Variants in KCNN3 observed in about 807,000 individuals in gnomAD.
KCNN3 encodes small conductance calcium-activated potassium channel protein 3.
In KCNN3, 16 loss-of-function variants were observed where a neutral mutation model predicts 62.9. The ratio of observed to expected loss-of-function variants is 0.25; its 90% CI spans 0.17 to 0.39. KCNN3 has a LOEUF of 0.39. KCNN3 is among the 10% of genes least tolerant of loss of function. KCNN3 has a pLI of 1.00. For missense variants in KCNN3, 599 were observed against 949.4 expected (o/e 0.63, Z 4.85); for synonymous variants, 370 against 389.2 (o/e 0.95, Z 0.58).
At chr1:154,768,093 T>C (rs1438188948) in intron 3 of KCNN3, among the ~76,000 whole-genome samples, 1 of 152,206 alleles carries the variant, frequency 6.6e-6, no homozygotes, top group African/African-American at 2.4e-5. Context: ...GTCATGCTGC[T>C]GTGTGACCCT....
At chr1:154,714,531 T>G (rs199694493) in intron 6 of KCNN3, among the ~76,000 whole-genome samples, 6,917 of 91,328 alleles carry the variant, frequency 0.076, 303 homozygotes, top group East Asian at 0.31. Flanking sequence ...TGTTTGTGTG[T>G]GGTGTGTGTG....
At chr1:154,815,272 G>C (rs1370385153) in intron 2 of KCNN3, among the ~76,000 whole-genome samples, 1 of 152,206 alleles carries the variant, frequency 6.6e-6, no homozygotes, top group South Asian at 2.1e-4. Context: ...CCCCTACCTG[G>C]GGGGTTTGGG....
rs575233756 is a variant in KCNN3, at chr1:154,756,866, T to C, written c.1448+15109A>G. The stretch of plus-strand genomic sequence containing the variant: ...GGAAAAAATCATGTGTGTTTTATGC[T>C]TTAAGATATATTTAATTCCTAGCAC... On this transcript the variant is annotated intron_variant, in intron 3 of 7. Transcript: ENST00000271915. Among the ~76,000 whole-genome samples, 7 of 152,356 alleles carry C rather than the reference T, an allele frequency of 4.6e-5. No individual in the cohort carries two copies. The South Asian group carries it at 1.4e-3, about 32-fold the overall frequency.
chr1:154,716,811 G>T (rs1700240865), intron 5 of KCNN3, among the ~76,000 whole-genome samples: 1 of 152,202 alleles, frequency 6.6e-6, no homozygotes, highest in Non-Finnish European at 1.5e-5. Context: ...CTTCTGCTCA[G>T]GGAACTAGAG....
intron 3 of KCNN3, among the ~76,000 whole-genome samples, chr1:154,771,643 G>A (rs1402328461): frequency 6.6e-6 from 1 of 152,198 alleles, no homozygotes; most frequent in African/African-American, 2.4e-5. Context: ...ATGCTAATAA[G>A]CATTATTAAT....
intron 3 of KCNN3, among the ~76,000 whole-genome samples, chr1:154,753,919 GT>G: frequency 1.3e-5 from 2 of 152,316 alleles, no homozygotes; most frequent in East Asian, 3.9e-4. Context: ...TAGAGGGCAG[GT>G]GACTTGCCCA....
chr1:154,765,131 T>C (rs746459724), intron 3 of KCNN3, among the ~76,000 whole-genome samples: 10 of 152,180 alleles, frequency 6.6e-5, no homozygotes, highest in Non-Finnish European at 1.0e-4. Context: ...TTGGGGTATG[T>C]CTAGGGGTGG....
At position 154,718,295 on chromosome 1, in the gene KCNN3, CTGAT is replaced by C. The variant is rs577416821; in HGVS notation, c.1702-3296_1702-3293del. ...TCTCTACCAAAAAATTGCTTTCACTCTGATTGGGGCCAGACAATGGGCTCTATGA... is the reference window on the plus strand; with the variant it reads ...TCTCTACCAAAAAATTGCTTTCACTCTGGGGCCAGACAATGGGCTCTATGA... On this transcript the variant is annotated intron_variant, in intron 5 of 7. Transcript: ENST00000271915. 4.8e-3 allele frequency among the ~76,000 whole-genome samples: 737 copies of C among 152,312 alleles called. 10 individuals are homozygous for C. The highest frequency in any genetic ancestry group is 0.017 in the African/African-American group (700 of 41,560).
chr1:154,827,309 G>T (rs569708265), intron 1 of KCNN3, among the ~76,000 whole-genome samples: 1 of 152,102 alleles, frequency 6.6e-6, no homozygotes, highest in African/African-American at 2.4e-5. Context: ...CCCCTCTTCC[G>T]CTAAAGGGAA....
chr1:154,743,060 C>T (rs904158411), intron 3 of KCNN3, among the ~76,000 whole-genome samples: 11 of 152,212 alleles, frequency 7.2e-5, no homozygotes, highest in African/African-American at 2.7e-4. Context: ...AAAATATCTC[C>T]AGAATCGGAG....
intron 1 of KCNN3, among the ~76,000 whole-genome samples, chr1:154,849,363 CT>C (rs2101921189): frequency 1.3e-5 from 2 of 152,352 alleles, no homozygotes; most frequent in Non-Finnish European, 2.9e-5. Context: ...ATGGGGGTTC[CT>C]GGGCAATGCC....
intron 2 of KCNN3, among the ~76,000 whole-genome samples, chr1:154,797,740 TG>T (rs1245819336): frequency 1.3e-5 from 2 of 152,220 alleles, no homozygotes; most frequent in Non-Finnish European, 2.9e-5. Context: ...ACACAAAGCT[TG>T]GCATATAGCA....
Position 154,714,612 on chromosome 1 carries a change from G to GGT in KCNN3, c.1829+262_1829+263dup, listed in dbSNP as rs200006853. The stretch of plus-strand genomic sequence containing the variant: ...ATGGTGTGTGTGATGTGTGGTGTGT[G>GGT]GTGTGTGTGTGTGTGTGTGTGTGTG... On this transcript the variant is annotated intron_variant, in intron 6 of 7. Transcript: ENST00000271915. 9.8e-3 allele frequency among the ~76,000 whole-genome samples: 243 copies of GGT among 24,850 alleles called. 13 individuals carry two copies. The highest frequency in any genetic ancestry group is 0.082 in the East Asian group (66 of 808). 16.3% of individuals were successfully genotyped at this position (24,850 alleles called of 152,430 possible).
At chr1:154,765,810 T>G (rs7410875) in intron 3 of KCNN3, among the ~76,000 whole-genome samples, 1 of 151,602 alleles carries the variant, frequency 6.6e-6, no homozygotes, top group Non-Finnish European at 1.5e-5. Context: ...TTTTTTGTTT[T>G]GTTTTGTTTT....
At chr1:154,854,960 G>A (rs1652461368) in intron 1 of KCNN3, among the ~76,000 whole-genome samples, 1 of 152,178 alleles carries the variant, frequency 6.6e-6, no homozygotes, top group African/African-American at 2.4e-5. Context: ...GCTCATGCCT[G>A]TCATCCCAGC....
chr1:154,706,131 G>A lies in KCNN3; in HGVS notation c.*1845C>T, dbSNP rs1443654936. 1 of 152,222 alleles carries A rather than the reference G, an allele frequency of 6.6e-6. No individual in the cohort carries two copies. The highest frequency in any genetic ancestry group is 1.5e-5 in the Non-Finnish European group (1 of 68,038). 9.4% of individuals were successfully genotyped at this position (152,222 alleles called of 1,614,324 possible). On this transcript the variant is annotated 3_prime_UTR_variant, in exon 8 of 8. Transcript: ENST00000271915. Reference sequence around the variant, plus strand: ...CCATTAAGACTATAAACCATCAAAAGAGCAGCAGCAATAGCAAGAGAGAAA... The same window carrying A: ...CCATTAAGACTATAAACCATCAAAAAAGCAGCAGCAATAGCAAGAGAGAAA...
At chr1:154,731,041 T>G (rs1000159382) in intron 4 of KCNN3, among the ~76,000 whole-genome samples, 3 of 152,102 alleles carry the variant, frequency 2.0e-5, no homozygotes, top group African/African-American at 7.2e-5. Flanking sequence ...GACAGCTATG[T>G]GCTGAGAGGG....
intron 3 of KCNN3, among the ~76,000 whole-genome samples, chr1:154,742,070 C>A (rs542853635): frequency 6.6e-6 from 1 of 152,242 alleles, no homozygotes; most frequent in Non-Finnish European, 1.5e-5. Flanking sequence ...GCTTTCCTCC[C>A]GCCTTCGACT....
At chr1:154,792,941 T>C (rs990857697) in intron 2 of KCNN3, among the ~76,000 whole-genome samples, 4 of 152,182 alleles carry the variant, frequency 2.6e-5, no homozygotes, top group Non-Finnish European at 4.4e-5. Flanking sequence ...TTCTAGTGTG[T>C]ATTTCCCCAC....
Sources: gnomAD v4.1 joint callset for allele counts (sites outside exome capture counted in the v4.1 genomes callset) on GRCh38, gnomAD v4.1.1 for gene constraint, MANE v1.5 for transcripts, NCBI Gene and HGNC (gene_info 2026-07-23, HGNC 2026-07-21) for gene names.